DPYD: variants seen among roughly 807,000 people sequenced by gnomAD.
The protein encoded by DPYD is dihydropyrimidine dehydrogenase [NADP(+)].
In DPYD, 109 loss-of-function variants were observed where a neutral mutation model predicts 116.2. That is an observed-to-expected ratio of 0.94 (90% CI 0.80 to 1.10). The LOEUF is 1.10. Ranked by LOEUF, DPYD falls within the 50% of genes least tolerant of loss-of-function variation. DPYD has a pLI of 0.00. For synonymous variants in DPYD, 440 were observed against 432.0 expected (o/e 1.02, Z -0.23); for missense variants, 1,302 against 1,254.5 (o/e 1.04, Z -0.57).
chr1:97,765,928 C>G (rs1665826951), intron 3 of DPYD, among the ~76,000 whole-genome samples: 1 of 152,092 alleles, frequency 6.6e-6, no homozygotes, highest in Non-Finnish European at 1.5e-5. Context: ...GAATGGTGAC[C>G]TGTGTTATGC....
intron 3 of DPYD, among the ~76,000 whole-genome samples, chr1:97,752,181 T>A (rs1444225962): frequency 6.6e-6 from 1 of 152,080 alleles, no homozygotes; most frequent in Admixed American, 6.6e-5. Context: ...TGTCTTCCTC[T>A]TAGAACTGTT....
intron 21 of DPYD, among the ~76,000 whole-genome samples, chr1:97,096,533 C>G (rs1650259748): frequency 6.6e-6 from 1 of 152,072 alleles, no homozygotes; most frequent in South Asian, 2.1e-4. Context: ...ACTTGGAGAA[C>G]TTTTCTTACA....
chr1:97,491,606 T>C (rs1678979843), intron 13 of DPYD, among the ~76,000 whole-genome samples: 1 of 152,088 alleles, frequency 6.6e-6, no homozygotes, highest in Admixed American at 6.6e-5. Context: ...CTGGCTTCCT[T>C]ATTTAACAGC....
At chr1:97,347,424 T>C (rs1035464801) in intron 16 of DPYD, among the ~76,000 whole-genome samples, 6 of 152,158 alleles carry the variant, frequency 3.9e-5, no homozygotes, top group Middle Eastern at 3.4e-3. Context: ...ATGACTTACA[T>C]GACATGATGT....
chr1:97,328,773 T>C (rs1360183634), intron 16 of DPYD, among the ~76,000 whole-genome samples: 3 of 152,180 alleles, frequency 2.0e-5, no homozygotes, highest in African/African-American at 7.2e-5. Flanking sequence ...CAAAGTATAC[T>C]TAAGTAGTAT....
intron 3 of DPYD, among the ~76,000 whole-genome samples, chr1:97,824,518 A>T (rs1669129123): frequency 6.6e-6 from 1 of 152,128 alleles, no homozygotes; most frequent in Admixed American, 6.5e-5. Flanking sequence ...CTTCAGTTAC[A>T]CTCATCGCAT....
intron 20 of DPYD, among the ~76,000 whole-genome samples, chr1:97,115,330 G>A (rs1457267855): frequency 6.6e-6 from 1 of 152,166 alleles, no homozygotes; most frequent in African/African-American, 2.4e-5. Context: ...GCCCCCATGA[G>A]TTCTTCAGTT....
intron 8 of DPYD, among the ~76,000 whole-genome samples, chr1:97,678,091 C>T (rs527518807): frequency 2.0e-5 from 3 of 152,150 alleles, no homozygotes; most frequent in South Asian, 4.2e-4. Context: ...TTCCATGGAC[C>T]GGGTTGGAGA....
chr1:97,303,864 T>C (rs1433401142), intron 18 of DPYD, among the ~76,000 whole-genome samples: 1 of 152,016 alleles, frequency 6.6e-6, no homozygotes, highest in South Asian at 2.1e-4. Context: ...TAGAGTTTTA[T>C]GGAAATGCTA....
intron 12 of DPYD, 73 bp downstream of exon 12, chr1:97,549,487 G>A (rs1192815668): frequency 1.7e-5 from 25 of 1,476,092 alleles, no homozygotes; most frequent in Middle Eastern, 1.7e-4. Flanking sequence ...TGCTCTTATA[G>A]ATGAGTATCA....
At chr1:97,585,407 C>T (rs1196001930) in intron 10 of DPYD, among the ~76,000 whole-genome samples, 1 of 152,122 alleles carries the variant, frequency 6.6e-6, no homozygotes, top group Non-Finnish European at 1.5e-5. Flanking sequence ...AGGGGCTCCC[C>T]TGGTACTAAG....
rs140119599 is a variant in DPYD, at chr1:97,185,527, TA to T, written c.2622+7541del. ...ATGTTCACAAAAGGAGTTATGCAAG[TA>T]TGTTTATAGCAAAAATATTTATAAC... On this transcript the variant is annotated intron_variant, in intron 20 of 22. Coordinates refer to ENST00000370192, the MANE Select transcript of DPYD (RefSeq NM_000110.4). Among the ~76,000 whole-genome samples the T allele has an allele frequency of 9.3e-3, 1,419 of 152,272 alleles. 19 individuals are homozygous for T. Among genetic ancestry groups the T allele is most frequent in the African/African-American group, 0.032 (1,326 of 41,558 alleles).
chr1:97,833,952 T>C (rs1445832955), intron 2 of DPYD, among the ~76,000 whole-genome samples: 1 of 152,114 alleles, frequency 6.6e-6, no homozygotes, highest in Non-Finnish European at 1.5e-5. Context: ...AAAGTACATA[T>C]GCACAAGTAC....
chr1:97,742,085 A>C (rs772638223), intron 3 of DPYD, among the ~76,000 whole-genome samples: 105 of 152,088 alleles, frequency 6.9e-4, no homozygotes, highest in Non-Finnish European at 1.3e-3. Flanking sequence ...GAAAGAAATG[A>C]ATGTGGAGAC....
chr1:97,417,675 A>G (rs1044751244), intron 14 of DPYD, among the ~76,000 whole-genome samples: 4 of 152,188 alleles, frequency 2.6e-5, no homozygotes, highest in Non-Finnish European at 5.9e-5. Flanking sequence ...ATTTTTTTCA[A>G]TATTGAAATA....
intron 8 of DPYD, among the ~76,000 whole-genome samples, chr1:97,632,509 G>A (rs559970997): frequency 1.3e-5 from 2 of 152,184 alleles, no homozygotes; most frequent in South Asian, 2.1e-4. Context: ...ACATGAATGA[G>A]AGTAACAAAT....
chr1:97,672,265 C>T (rs1659910881), intron 8 of DPYD, among the ~76,000 whole-genome samples: 1 of 152,184 alleles, frequency 6.6e-6, no homozygotes, highest in Non-Finnish European at 1.5e-5. Context: ...TAAAGATGAC[C>T]AGCCCCCATT....
At chr1:97,204,565 A>T (rs929741919) in intron 19 of DPYD, among the ~76,000 whole-genome samples, 5 of 152,170 alleles carry the variant, frequency 3.3e-5, no homozygotes, top group African/African-American at 1.2e-4. Flanking sequence ...AGAGATGACC[A>T]TATAATTTAC....
intron 8 of DPYD, among the ~76,000 whole-genome samples, chr1:97,677,438 C>A (rs1419829915): frequency 6.6e-6 from 1 of 152,102 alleles, no homozygotes; most frequent in Non-Finnish European, 1.5e-5. Context: ...ACTGACCAAG[C>A]ATTTTTGATC....
Sources: allele counts gnomAD v4.1 joint callset (sites outside exome capture counted in the v4.1 genomes callset), GRCh38; gene constraint gnomAD v4.1.1; transcripts MANE v1.5; gene names NCBI Gene and HGNC (gene_info 2026-07-23, HGNC 2026-07-21).